Variants in ANKRD17 observed in about 807,000 individuals in gnomAD.
The protein encoded by ANKRD17 is ankyrin repeat domain-containing protein 17.
In ANKRD17, 19 loss-of-function variants were observed where a neutral mutation model predicts 229.7. The observed-to-expected ratio is 0.08, with a 90% CI of 0.06 to 0.12. ANKRD17 has a LOEUF of 0.12. ANKRD17 is among the 10% of genes least tolerant of loss of function. ANKRD17 has a pLI of 1.00. For synonymous variants in ANKRD17, 1,112 were observed against 1,146.1 expected (o/e 0.97, Z 0.60); for missense variants, 2,176 against 3,176.8 (o/e 0.68, Z 7.57).
chr4:73,258,433 G>A lies in ANKRD17; in HGVS notation c.236C>T (p.Thr79Ile). ...TTCGCTGCTGCTGGGGGGTCGGCAA[G>A]TCCGGTTACGCTTGGCCTTGTGGTG... ...QQHHKAKRNR[T>I]CRPPSSSESS... is the part of the protein sequence containing the mutation. Residue 79 changes from threonine (T) to isoleucine (I), a missense_variant, in exon 1 of 34, where the codon ACT (threonine) becomes ATT (isoleucine). By Grantham distance (89) the Thr-to-Ile change is moderately conservative. Coordinates refer to ENST00000358602, the MANE Select transcript of ANKRD17 (RefSeq NM_032217.5). 1 of 1,610,144 alleles carries A rather than the reference G, an allele frequency of 6.2e-7. No homozygotes were observed. The highest frequency in any genetic ancestry group is 8.5e-7 in the Non-Finnish European group (1 of 1,179,154).
At chr4:73,090,208 G>A (rs1046175677) in intron 29 of ANKRD17, among the ~76,000 whole-genome samples, 2 of 152,074 alleles carry the variant, frequency 1.3e-5, no homozygotes, top group Admixed American at 6.5e-5. Flanking sequence ...TTGAGAGTTC[G>A]AGACCAGCTT....
At chr4:73,158,943 T>G (rs978886348) in intron 3 of ANKRD17, among the ~76,000 whole-genome samples, 5 of 152,204 alleles carry the variant, frequency 3.3e-5, no homozygotes, top group Admixed American at 6.5e-5. Context: ...TTGTAAGAAA[T>G]AAATTCCTTT....
chr4:73,257,722 G>C (rs1226053581), intron 1 of ANKRD17, among the ~76,000 whole-genome samples: 1 of 152,110 alleles, frequency 6.6e-6, no homozygotes, highest in Non-Finnish European at 1.5e-5. Flanking sequence ...AAACCCTGCA[G>C]AACAGTATGG....
At position 73,073,717 on chromosome 4, in the gene ANKRD17, G is replaced by T. The variant is rs1309415647; in HGVS notation, c.*2514C>A. ...GGGAAATTTCTTCTTTATAAACAGT[G>T]AAGTCAGTGTTTGTAAATATGTTGA... On this transcript the variant is annotated 3_prime_UTR_variant, in exon 34 of 34. Transcript: ENST00000358602. 6.6e-6 allele frequency: 1 copy of T among 151,972 alleles called. No homozygotes were observed. The highest frequency in any genetic ancestry group is 1.5e-5 in the Non-Finnish European group (1 of 67,856). The allele number at this position is 151,972 out of a possible 1,614,324, so 9.4% of individuals were successfully genotyped here. A position where few individuals can be genotyped will look rare whatever the true frequency, so the allele number is the denominator to read the frequency against.
intron 11 of ANKRD17, 134 bp downstream of exon 11, chr4:73,144,610 CA>C (rs1389032872): frequency 1.5e-5 from 7 of 463,750 alleles, no homozygotes; most frequent in African/African-American, 1.4e-4. Flanking sequence ...ACTATCCACT[CA>C]ATCATTAAAT....
At chr4:73,082,405 T>C (rs569930334) in intron 30 of ANKRD17, among the ~76,000 whole-genome samples, 1 of 152,210 alleles carries the variant, frequency 6.6e-6, no homozygotes, top group South Asian at 2.1e-4. Flanking sequence ...AGAGGACTGC[T>C]TGAGCCTAGG....
At chr4:73,200,385 C>T (rs1738493985) in intron 1 of ANKRD17, among the ~76,000 whole-genome samples, 1 of 151,918 alleles carries the variant, frequency 6.6e-6, no homozygotes, top group Non-Finnish European at 1.5e-5. Flanking sequence ...TCATTTAAGC[C>T]CAAAAGTGTA....
intron 1 of ANKRD17, among the ~76,000 whole-genome samples, chr4:73,210,367 T>G (rs1740088240): frequency 6.6e-6 from 1 of 152,030 alleles, no homozygotes; most frequent in Non-Finnish European, 1.5e-5. Flanking sequence ...TAGGAACAAA[T>G]TTCATGAAAT....
At chr4:73,154,256 T>C (rs1731354697) in intron 5 of ANKRD17, 143 bp from the exon 6 acceptor site, 1 of 378,262 alleles carries the variant, frequency 2.6e-6, no homozygotes, top group Non-Finnish European at 4.4e-6. Context: ...TAAATATATA[T>C]CTATATATAA....
intron 27 of ANKRD17, among the ~76,000 whole-genome samples, chr4:73,095,360 G>C (rs996650747): frequency 4.6e-5 from 7 of 151,840 alleles, no homozygotes; most frequent in African/African-American, 1.7e-4. Flanking sequence ...CAGCACTTTG[G>C]GAAGCCAAGG....
At chr4:73,165,289 G>C (rs1733082696) in intron 2 of ANKRD17, among the ~76,000 whole-genome samples, 1 of 152,178 alleles carries the variant, frequency 6.6e-6, no homozygotes, top group South Asian at 2.1e-4. Context: ...GGAGTAATCA[G>C]ACACAAGTTT....
intron 2 of ANKRD17, among the ~76,000 whole-genome samples, chr4:73,174,761 A>G (rs976030124): frequency 6.6e-6 from 1 of 152,220 alleles, no homozygotes; most frequent in African/African-American, 2.4e-5. Flanking sequence ...ACTCAGTACC[A>G]TGTCTATATG....
intron 1 of ANKRD17, among the ~76,000 whole-genome samples, chr4:73,190,869 G>A (rs1736981638): frequency 6.6e-6 from 1 of 152,018 alleles, no homozygotes; most frequent in African/African-American, 2.4e-5. Context: ...GAAAAAAACT[G>A]TAAAACTTTA....
At chr4:73,195,795 C>T (rs1233443726) in intron 1 of ANKRD17, among the ~76,000 whole-genome samples, 1 of 152,124 alleles carries the variant, frequency 6.6e-6, no homozygotes, top group Non-Finnish European at 1.5e-5. Context: ...GCATGAGCCA[C>T]CGTGCCCAGC....
intron 1 of ANKRD17, among the ~76,000 whole-genome samples, chr4:73,227,338 G>A (rs1742613652): frequency 6.6e-6 from 1 of 152,010 alleles, no homozygotes; most frequent in South Asian, 2.1e-4. Context: ...ATTTTTAGTA[G>A]AGACGGGGTT....
At chr4:73,154,432 A>T (rs990712935) in intron 5 of ANKRD17, among the ~76,000 whole-genome samples, 1 of 152,120 alleles carries the variant, frequency 6.6e-6, no homozygotes, top group Non-Finnish European at 1.5e-5. Flanking sequence ...TTACCTTAAG[A>T]TGAGAAAAAA....
intron 29 of ANKRD17, among the ~76,000 whole-genome samples, chr4:73,086,191 G>T (rs1722104989): frequency 6.6e-6 from 1 of 152,088 alleles, no homozygotes; most frequent in Admixed American, 6.5e-5. Flanking sequence ...GTGGACTTTT[G>T]TTGCCTTTAT....
At chr4:73,175,321 G>C (rs893446683) in intron 2 of ANKRD17, among the ~76,000 whole-genome samples, 2 of 152,116 alleles carry the variant, frequency 1.3e-5, no homozygotes, top group Admixed American at 6.5e-5. Flanking sequence ...ACTATTACAA[G>C]AACAGCATGG....
At position 73,177,295 on chromosome 4, in the gene ANKRD17, T is replaced by A. The variant is rs1323568817; in HGVS notation, c.547+85A>T. The A allele has an allele frequency of 2.4e-6, 3 of 1,247,644 alleles. No homozygotes were observed. In the African/African-American group the frequency reaches 4.5e-5, roughly 19 times the overall value. The allele number at this position is 1,247,644 out of a possible 1,614,324, so 77.3% of individuals were successfully genotyped here. ...ATAGTATCATTCTAAATACCCAATATCATTCATTTTTAACAAGAGCTTTTA... is the reference window on the plus strand; with the variant it reads ...ATAGTATCATTCTAAATACCCAATAACATTCATTTTTAACAAGAGCTTTTA... On this transcript the variant is annotated intron_variant, in intron 2 of 33. Coordinates refer to ENST00000358602, the MANE Select transcript of ANKRD17 (RefSeq NM_032217.5).
Sources: gnomAD v4.1 joint callset for allele counts (sites outside exome capture counted in the v4.1 genomes callset) on GRCh38, gnomAD v4.1.1 for gene constraint, MANE v1.5 for transcripts, NCBI Gene and HGNC (gene_info 2026-07-23, HGNC 2026-07-21) for gene names.